RBM19: variants seen among roughly 807,000 people sequenced by gnomAD.
The protein encoded by RBM19 is probable RNA-binding protein 19.
RBM19 carries 94 observed loss-of-function variants against 116.8 expected under a neutral mutation model. The ratio of observed to expected loss-of-function variants is 0.80; its 90% CI spans 0.68 to 0.95. The LOEUF (loss-of-function observed/expected upper bound fraction) is 0.95, where lower values mean the gene tolerates loss of function less well. Ranked by LOEUF, RBM19 falls within the 40% of genes least tolerant of loss-of-function variation. The pLI is 0.00. For synonymous variants in RBM19, 475 were observed against 494.1 expected (o/e 0.96, Z 0.51); for missense variants, 1,161 against 1,220.7 (o/e 0.95, Z 0.73).
intron 22 of RBM19, among the ~76,000 whole-genome samples, chr12:113,857,200 G>T (rs1384563463): frequency 6.6e-6 from 1 of 152,200 alleles, no homozygotes; most frequent in Non-Finnish European, 1.5e-5. Context: ...ACGCTGCCCT[G>T]TACTCTCTTC....
intron 8 of RBM19, among the ~76,000 whole-genome samples, chr12:113,950,378 A>G (rs921220443): frequency 6.6e-6 from 1 of 152,136 alleles, no homozygotes; most frequent in Non-Finnish European, 1.5e-5. Flanking sequence ...TCATGGATGA[A>G]GATGCTGAAT....
At chr12:113,838,481 C>G (rs1387314525) in intron 23 of RBM19, among the ~76,000 whole-genome samples, 1 of 152,218 alleles carries the variant, frequency 6.6e-6, no homozygotes, top group Non-Finnish European at 1.5e-5. Flanking sequence ...CATGCATACT[C>G]CACAGGGTGA....
rs1402326326 is a variant in RBM19 at position 113,898,290 on chromosome 12, T to C, written c.2558+16679A>G. On this transcript the variant is annotated intron_variant, in intron 21 of 23. Transcript: ENST00000261741. The surrounding 1 kb of genome is among the most constrained non-coding windows in gnomAD (Gnocchi z 4.3). ...TAGACAGTCTAATTTTTAATACGTG[T>C]ACATACATGTGTATCATGATAGAAC... Among the ~76,000 whole-genome samples, 2 of 152,168 alleles carry C rather than the reference T, an allele frequency of 1.3e-5. No individual in the cohort carries two copies. The highest frequency in any genetic ancestry group is 2.9e-5 in the Non-Finnish European group (2 of 68,024).
chr12:113,859,257 C>CTGGCCAGGGCAAGGGGCT (rs1878172422), intron 21 of RBM19, among the ~76,000 whole-genome samples: 1 of 152,214 alleles, frequency 6.6e-6, no homozygotes, highest in African/African-American at 2.4e-5. Flanking sequence ...GTTGAGGGGC[C>CTGGCCAGGGCAAGGGGCT]TGGCCAGGGC....
intron 16 of RBM19, among the ~76,000 whole-genome samples, chr12:113,931,376 G>T (rs1368948102): frequency 6.6e-6 from 1 of 152,178 alleles, no homozygotes; most frequent in African/African-American, 2.4e-5. Flanking sequence ...TGGCCTCCCA[G>T]GTCCATGAGC....
chr12:113,891,123 A>T (rs1438542625), intron 21 of RBM19, among the ~76,000 whole-genome samples: 1 of 152,114 alleles, frequency 6.6e-6, no homozygotes, highest in Non-Finnish European at 1.5e-5. Flanking sequence ...ATTTAGGTGG[A>T]AACAACCCAT....
At position 113,947,324 on chromosome 12, in the gene RBM19, G is replaced by T. The variant is rs200127719; in HGVS notation, c.1407+10C>A. On this transcript the variant is annotated intron_variant, in intron 11 of 23. Transcript: ENST00000261741. ...CACAGCCTCCTGGCCAGCCCAGGACGGGGCCTCACCTGGAATACCTGCCCG... is the reference window on the plus strand; with the variant it reads ...CACAGCCTCCTGGCCAGCCCAGGACTGGGCCTCACCTGGAATACCTGCCCG... 2 of 1,586,148 alleles carry T rather than the reference G, an allele frequency of 1.3e-6. No individual in the cohort carries two copies. Among genetic ancestry groups the T allele is most frequent in the Admixed American group, 3.4e-5 (2 of 59,378 alleles).
chr12:113,828,605 G>A (rs1408369129), intron 23 of RBM19, among the ~76,000 whole-genome samples: 1 of 152,184 alleles, frequency 6.6e-6, no homozygotes, highest in Non-Finnish European at 1.5e-5. Context: ...ACTCAGTGGT[G>A]TGCAGTCCTA....
rs186419288 is a variant in RBM19 at position 113,936,850 on chromosome 12, A to G, written c.2068+157T>C. The G allele has an allele frequency of 7.2e-5, 69 of 957,740 alleles. No individual in the cohort carries two copies. The African/African-American group carries it at 1.1e-3, about 15-fold the overall frequency. The allele number at this position is 957,740 out of a possible 1,614,324, so 59.3% of individuals were successfully genotyped here. Reference sequence around the variant, plus strand: ...ATTTTGACACTGTTTTTTACAGGACATGCCCATAAAATCTGAGAGTCTGAG... The same window carrying G: ...ATTTTGACACTGTTTTTTACAGGACGTGCCCATAAAATCTGAGAGTCTGAG... On this transcript the variant is annotated intron_variant, in intron 16 of 23. Coordinates refer to ENST00000261741, the MANE Select transcript of RBM19 (RefSeq NM_016196.4).
chr12:113,924,201 G>A (rs547158581), intron 18 of RBM19, among the ~76,000 whole-genome samples: 1 of 152,342 alleles, frequency 6.6e-6, no homozygotes, highest in South Asian at 2.1e-4. Flanking sequence ...CCTGGGAGGT[G>A]CATGGTTATT....
intron 20 of RBM19, 71 bp from the exon 21 acceptor site, chr12:113,915,156 T>G: frequency 8.4e-7 from 1 of 1,191,096 alleles, no homozygotes; most frequent in Non-Finnish European, 1.3e-6. Flanking sequence ...TTGACTCCAC[T>G]ACGCCTCCAT....
chr12:113,834,658 C>T (rs1221601939), intron 23 of RBM19, among the ~76,000 whole-genome samples: 1 of 152,162 alleles, frequency 6.6e-6, no homozygotes. Flanking sequence ...CTGTGGTTTG[C>T]AACTGCTGCT....
intron 21 of RBM19, among the ~76,000 whole-genome samples, chr12:113,911,053 GT>G (rs1882395641): frequency 1.2e-5 from 1 of 83,970 alleles, no homozygotes; most frequent in African/African-American, 5.9e-5. Flanking sequence ...TGGGGTGGCG[GT>G]GGGGGGGGTG....
At chr12:113,861,677 A>G (rs1464449308) in intron 21 of RBM19, among the ~76,000 whole-genome samples, 1 of 152,148 alleles carries the variant, frequency 6.6e-6, no homozygotes, top group African/African-American at 2.4e-5. Flanking sequence ...GTCCGGAGAA[A>G]GGCGAGAAAA....
At chr12:113,962,194 T>C (rs113314251) in intron 2 of RBM19, 38 bp downstream of exon 2, 33 of 1,606,296 alleles carry the variant, frequency 2.1e-5, no homozygotes, top group Non-Finnish European at 2.8e-5. Flanking sequence ...AACGTCACAC[T>C]TGACAGGAAG....
intron 21 of RBM19, among the ~76,000 whole-genome samples, chr12:113,881,689 G>A (rs556409297): frequency 3.9e-5 from 6 of 152,294 alleles, no homozygotes; most frequent in African/African-American, 1.4e-4. Flanking sequence ...AAGGCAAAAC[G>A]CTGCCATCTC....
intron 7 of RBM19, among the ~76,000 whole-genome samples, chr12:113,953,499 T>A (rs1871649021): frequency 6.6e-6 from 1 of 152,082 alleles, no homozygotes. Context: ...AAAACAACAA[T>A]GACAACAAGA....
chr12:113,966,253 T>A lies in RBM19; in HGVS notation c.-26A>T. 1 of 1,614,060 alleles carries A rather than the reference T, an allele frequency of 6.2e-7. No homozygotes were observed. Among genetic ancestry groups the A allele is most frequent in the Non-Finnish European group, 8.5e-7 (1 of 1,180,000 alleles). On this transcript the variant is annotated 5_prime_UTR_variant, in exon 1 of 24. Coordinates refer to ENST00000261741, the MANE Select transcript of RBM19 (RefSeq NM_016196.4). The stretch of plus-strand genomic sequence containing the variant: ...GGCGCAGGGTCCCCGCTGTTTTGAT[T>A]CCAACACGACTGGTCAGCGTCTTCC...
chr12:113,851,456 G>A (rs531003430), intron 22 of RBM19, among the ~76,000 whole-genome samples: 1 of 152,310 alleles, frequency 6.6e-6, no homozygotes, highest in East Asian at 1.9e-4. Context: ...ACTAGGGAGA[G>A]AGGGCCAATG....
Sources: gnomAD v4.1 joint callset for allele counts (sites outside exome capture counted in the v4.1 genomes callset) on GRCh38, gnomAD v4.1.1 for gene constraint, Gnocchi (gnomAD v3.1) non-coding constraint, MANE v1.5 for transcripts, NCBI Gene and HGNC (gene_info 2026-07-23, HGNC 2026-07-21) for gene names.